GABRB1: variants seen among roughly 807,000 people sequenced by gnomAD.
GABRB1 encodes gamma-aminobutyric acid receptor subunit beta-1.
GABRB1 carries 17 observed loss-of-function variants against 51.6 expected under a neutral mutation model. That is an observed-to-expected ratio of 0.33 (90% CI 0.23 to 0.49). The LOEUF is 0.49. GABRB1 is among the 20% of genes least tolerant of loss of function. The pLI is 0.99. For missense variants in GABRB1, 410 were observed against 600.6 expected (o/e 0.68, Z 3.32); for synonymous variants, 247 against 218.9 (o/e 1.13, Z -1.14).
chr4:47,158,132 C>A (rs983198890), intron 3 of GABRB1, among the ~76,000 whole-genome samples: 2 of 152,106 alleles, frequency 1.3e-5, no homozygotes, highest in African/African-American at 2.4e-5. Flanking sequence ...TATACCCATA[C>A]ACGCACACAC....
At chr4:47,309,658 A>T (rs1173517516) in intron 4 of GABRB1, among the ~76,000 whole-genome samples, 2 of 152,154 alleles carry the variant, frequency 1.3e-5, no homozygotes, top group Non-Finnish European at 2.9e-5. Flanking sequence ...GAGCATACCT[A>T]AGACTTAAGA....
At chr4:47,302,119 A>G (rs949289584) in intron 4 of GABRB1, among the ~76,000 whole-genome samples, 2 of 152,156 alleles carry the variant, frequency 1.3e-5, no homozygotes, top group South Asian at 2.1e-4. Flanking sequence ...TCATGGTCAT[A>G]TGTTTCCCTC....
Position 47,249,068 on chromosome 4 carries a change from C to T in GABRB1, c.462-71059C>T, listed in dbSNP as rs1436644773. 2.0e-5 allele frequency among the ~76,000 whole-genome samples: 3 copies of T among 151,966 alleles called. No homozygotes were observed. In the East Asian group the frequency reaches 5.8e-4, roughly 29 times the overall value. On this transcript the variant is annotated intron_variant, in intron 4 of 8. Transcript: ENST00000295454. ...CTGCTGGGTTTGGGTTTGGTTTGCT[C>T]TTGTCTCTCTCATTCCTTGAGGTGT...
At chr4:47,421,543 T>C (rs1249041293) in intron 8 of GABRB1, among the ~76,000 whole-genome samples, 1 of 152,112 alleles carries the variant, frequency 6.6e-6, no homozygotes, top group Non-Finnish European at 1.5e-5. Context: ...CTCTTGAGAT[T>C]ACCTAATGAA....
At chr4:47,259,940 A>G (rs943472163) in intron 4 of GABRB1, among the ~76,000 whole-genome samples, 23 of 152,158 alleles carry the variant, frequency 1.5e-4, no homozygotes, top group Non-Finnish European at 2.6e-4. Flanking sequence ...AAAGTCTCCC[A>G]TTATTATTAT....
At chr4:46,996,375 T>G (rs549840536) in intron 1 of GABRB1, among the ~76,000 whole-genome samples, 150 of 152,304 alleles carry the variant, frequency 9.8e-4, no homozygotes, top group African/African-American at 3.3e-3. Context: ...TTTATAAATT[T>G]AACAAATGAG....
chr4:47,154,982 T>C (rs1252109081), intron 3 of GABRB1, among the ~76,000 whole-genome samples: 1 of 152,122 alleles, frequency 6.6e-6, no homozygotes, highest in Non-Finnish European at 1.5e-5. Context: ...AGATCCTTTG[T>C]CTAACAAGCA....
Position 47,344,695 on chromosome 4 carries a change from T to A in GABRB1, c.544+24486T>A, listed in dbSNP as rs201227919. On this transcript the variant is annotated intron_variant, in intron 5 of 8. Coordinates refer to ENST00000295454, the MANE Select transcript of GABRB1 (RefSeq NM_000812.4). ...ACCAATCTGTTACTGGCACATTTTT[T>A]TGTTTTGTTTTGTGTGTGTGTTTTT... Among the ~76,000 whole-genome samples the A allele has an allele frequency of 4.6e-5, 7 of 152,076 alleles. 1 individual carries two copies. The East Asian group carries it at 1.4e-3, about 30-fold the overall frequency.
chr4:47,183,334 ATG>A (rs1719034500), intron 4 of GABRB1, among the ~76,000 whole-genome samples: 2 of 105,706 alleles, frequency 1.9e-5, no homozygotes, highest in Non-Finnish European at 3.7e-5. Context: ...TCTTATCTGT[ATG>A]TGTGTGTGCA....
chr4:47,286,206 C>T (rs1046766284), intron 4 of GABRB1, among the ~76,000 whole-genome samples: 9 of 152,152 alleles, frequency 5.9e-5, no homozygotes, highest in Non-Finnish European at 4.4e-5. Flanking sequence ...AAGACATTTC[C>T]TTCCTCCACA....
chr4:47,130,570 C>G (rs1274058027), intron 3 of GABRB1, among the ~76,000 whole-genome samples: 7 of 152,000 alleles, frequency 4.6e-5, no homozygotes, highest in Admixed American at 3.9e-4. Context: ...CCATTTGCCT[C>G]CCCCCAGATT....
intron 3 of GABRB1, among the ~76,000 whole-genome samples, chr4:47,108,159 C>A (rs2109621113): frequency 6.6e-6 from 1 of 152,130 alleles, no homozygotes; most frequent in East Asian, 1.9e-4. Flanking sequence ...CAATCGGAAT[C>A]CCTCAGATGA....
At chr4:47,149,059 A>T (rs1560558584) in intron 3 of GABRB1, among the ~76,000 whole-genome samples, 1 of 151,942 alleles carries the variant, frequency 6.6e-6, no homozygotes, top group Non-Finnish European at 1.5e-5. Flanking sequence ...TTTTGAGAAG[A>T]GGCACTTAGG....
intron 4 of GABRB1, among the ~76,000 whole-genome samples, chr4:47,279,413 C>T (rs909482538): frequency 3.9e-5 from 6 of 152,152 alleles, no homozygotes; most frequent in Admixed American, 1.3e-4. Context: ...ATAAATATTG[C>T]TTCATGAAAA....
intron 4 of GABRB1, among the ~76,000 whole-genome samples, chr4:47,206,414 T>C (rs932115092): frequency 2.0e-5 from 3 of 152,010 alleles, no homozygotes; most frequent in African/African-American, 7.2e-5. Context: ...TTCAAAGGTA[T>C]ATCTAATTCT....
At chr4:47,035,322 G>C (rs1444295637) in intron 3 of GABRB1, among the ~76,000 whole-genome samples, 1 of 151,910 alleles carries the variant, frequency 6.6e-6, no homozygotes, top group African/African-American at 2.4e-5. Flanking sequence ...CACAAATTAA[G>C]AAACAAAAGC....
chr4:47,390,162 T>C (rs1010579797), intron 5 of GABRB1, among the ~76,000 whole-genome samples: 1 of 152,242 alleles, frequency 6.6e-6, no homozygotes, highest in Non-Finnish European at 1.5e-5. Context: ...GCCAAGCAAC[T>C]AATTTGGCCA....
chr4:47,034,490 C>T (rs1342748837), intron 3 of GABRB1, among the ~76,000 whole-genome samples: 1 of 152,114 alleles, frequency 6.6e-6, no homozygotes, highest in Admixed American at 6.5e-5. Context: ...AGTATTCACC[C>T]AGCTGATAAG....
chr4:47,385,710 C>T (rs1296692216), intron 5 of GABRB1, among the ~76,000 whole-genome samples: 3 of 152,246 alleles, frequency 2.0e-5, no homozygotes. Flanking sequence ...AGGTTTAATG[C>T]CTCGGTCCCA....
Sources: allele counts gnomAD v4.1 joint callset (sites outside exome capture counted in the v4.1 genomes callset), GRCh38; gene constraint gnomAD v4.1.1; transcripts MANE v1.5; gene names NCBI Gene and HGNC (gene_info 2026-07-23, HGNC 2026-07-21).